Variants in NRG1 observed in about 807,000 individuals in gnomAD.
NRG1 encodes the protein neuregulin 1.
A neutral mutation model predicts 63.8 loss-of-function variants in NRG1; 18 were observed. That is an observed-to-expected ratio of 0.28 (90% CI 0.19 to 0.42). The LOEUF (loss-of-function observed/expected upper bound fraction) is 0.42. NRG1 is among the 10% of genes least tolerant of loss of function. The pLI, the probability that NRG1 is intolerant of heterozygous loss-of-function variation, is 1.00. For synonymous variants in NRG1, 302 were observed against 301.3 expected (o/e 1.00, Z -0.02); for missense variants, 762 against 814.7 (o/e 0.94, Z 0.79).
chr8:32,447,450 C>T (rs948465585), intron 1 of NRG1, among the ~76,000 whole-genome samples: 3 of 152,140 alleles, frequency 2.0e-5, no homozygotes, highest in African/African-American at 7.2e-5. Flanking sequence ...GAAACATTTA[C>T]ATCATATGTA....
chr8:31,792,446 T>G (rs552458259), intron 1 of NRG1, among the ~76,000 whole-genome samples: 8 of 152,220 alleles, frequency 5.3e-5, no homozygotes. Flanking sequence ...AAATCAGAAT[T>G]TGTCAGTTTT....
At chr8:32,714,831 C>A (rs2128990597) in intron 5 of NRG1, among the ~76,000 whole-genome samples, 1 of 152,302 alleles carries the variant, frequency 6.6e-6, no homozygotes, top group South Asian at 2.1e-4. Context: ...CAAGCGCGTG[C>A]ACGCACAGTA....
chr8:32,097,304 A>G (rs1442746894), intron 1 of NRG1, among the ~76,000 whole-genome samples: 2 of 152,238 alleles, frequency 1.3e-5, no homozygotes. Context: ...AACAATAAAC[A>G]TAGGTGTGAA....
rs566820126 is a variant in NRG1 at position 32,017,105 on chromosome 8, C to G, written c.37+377674C>G. ...TTACTATTTATGACTAGCTTCTGCT[C>G]TCTGCACTGAAGAGCGTAGCTATTT... On this transcript the variant is annotated intron_variant, in intron 1 of 10. Coordinates refer to the NRG1 transcript ENST00000519301. 7.2e-5 allele frequency among the ~76,000 whole-genome samples: 11 copies of G among 152,332 alleles called. No homozygotes were observed. In the South Asian group the frequency reaches 2.1e-3, roughly 29 times the overall value.
chr8:31,868,122 AACACACACACACACACATACATCTTAC>A (rs1829125801), intron 1 of NRG1, among the ~76,000 whole-genome samples: 1 of 133,226 alleles, frequency 7.5e-6, no homozygotes, highest in Admixed American at 7.8e-5. Flanking sequence ...TACCATCCCA[AACACACACACACACACATACATCTTAC>A]ACACACACAC....
chr8:32,523,488 T>A (rs1399589734), intron 1 of NRG1, among the ~76,000 whole-genome samples: 1 of 152,220 alleles, frequency 6.6e-6, no homozygotes, highest in South Asian at 2.1e-4. Context: ...ACTTCTTTAG[T>A]GGTAATTTCT....
chr8:32,361,675 T>C (rs1563360502), intron 1 of NRG1, among the ~76,000 whole-genome samples: 1 of 152,278 alleles, frequency 6.6e-6, no homozygotes, highest in East Asian at 1.9e-4. Context: ...TTTCCTTAAA[T>C]AGCCTTGGAA....
At position 31,640,661 on chromosome 8, in the gene NRG1, C is replaced by T; in HGVS notation, c.37+1230C>T. On this transcript the variant is annotated intron_variant, in intron 1 of 10. Transcript: ENST00000519301. The surrounding 1 kb of genome is among the most constrained non-coding windows in gnomAD (Gnocchi z 6.3). ...CGCGCGCCGGCCGCCTTCCGAGCCT[C>T]TTTCCCCCCTCTGGAGACGGGCCGG... 1 of 1,608,720 alleles carries T rather than the reference C, an allele frequency of 6.2e-7. No individual in the cohort carries two copies. The highest frequency in any genetic ancestry group is 8.5e-7 in the Non-Finnish European group (1 of 1,178,322).
At position 32,652,281 on chromosome 8, in the gene NRG1, T is replaced by A. The variant is rs139068788; in HGVS notation, c.502+35396T>A. 1.1e-4 allele frequency among the ~76,000 whole-genome samples: 17 copies of A among 152,326 alleles called. 1 individual carries two copies. The East Asian group carries it at 3.3e-3, about 29-fold the overall frequency. ...TTCTCGCCTTCCTGTTTTGCTCTTA[T>A]TAAATTTTCAGTCGTGGTGGTCTTT... On this transcript the variant is annotated intron_variant, in intron 5 of 11. Transcript: ENST00000356819.
chr8:32,600,352 A>G (rs1211401758), intron 2 of NRG1, among the ~76,000 whole-genome samples: 2 of 152,006 alleles, frequency 1.3e-5, no homozygotes, highest in South Asian at 2.1e-4. Context: ...ACACACACAC[A>G]CAAACACTGT....
At chr8:31,887,429 C>G (rs1228492745) in intron 1 of NRG1, among the ~76,000 whole-genome samples, 28 of 152,154 alleles carry the variant, frequency 1.8e-4, no homozygotes. Context: ...AGCTCTCTGA[C>G]ACAGATTTAG....
At chr8:31,752,941 T>G (rs1046328719) in intron 1 of NRG1, among the ~76,000 whole-genome samples, 3 of 152,106 alleles carry the variant, frequency 2.0e-5, no homozygotes, top group African/African-American at 7.2e-5. Flanking sequence ...TATTCTGATT[T>G]GTTGGGCCAC....
At chr8:31,819,053 C>CAAAAA (rs1479839175) in intron 1 of NRG1, among the ~76,000 whole-genome samples, 1 of 143,554 alleles carries the variant, frequency 7.0e-6, no homozygotes, top group Non-Finnish European at 1.6e-5. Flanking sequence ...GACTTCTTCT[C>CAAAAA]AAAAACAAAA....
chr8:32,063,678 A>G (rs1221457999), intron 1 of NRG1, among the ~76,000 whole-genome samples: 1 of 152,150 alleles, frequency 6.6e-6, no homozygotes, highest in Non-Finnish European at 1.5e-5. Flanking sequence ...TTGTTAGGTC[A>G]TGTATTAATT....
At chr8:32,441,201 T>C (rs1819491676) in intron 1 of NRG1, 1 of 152,150 alleles carries the variant, frequency 6.6e-6, no homozygotes, top group Admixed American at 6.5e-5. Context: ...CTTTCCCTGA[T>C]AGTTTTTGTT....
intron 1 of NRG1, among the ~76,000 whole-genome samples, chr8:32,238,216 A>G (rs1847762974): frequency 6.6e-6 from 1 of 152,036 alleles, no homozygotes; most frequent in East Asian, 1.9e-4. Flanking sequence ...TAATCCCAGC[A>G]ATTTGGGAAG....
At chr8:32,187,598 C>A (rs1842086222) in intron 1 of NRG1, among the ~76,000 whole-genome samples, 1 of 152,144 alleles carries the variant, frequency 6.6e-6, no homozygotes, top group Non-Finnish European at 1.5e-5. Context: ...GTGAAGCATT[C>A]ATCTTGTTTC....
chr8:31,776,393 C>T (rs551653169), intron 1 of NRG1, among the ~76,000 whole-genome samples: 6 of 152,206 alleles, frequency 3.9e-5, no homozygotes, highest in African/African-American at 1.2e-4. Context: ...GATGCCCAAG[C>T]CTCTGTGCTG....
intron 1 of NRG1, among the ~76,000 whole-genome samples, chr8:31,888,232 T>A (rs1206997015): frequency 1.3e-5 from 2 of 152,076 alleles, no homozygotes; most frequent in African/African-American, 4.8e-5. Context: ...CTGAAGTAGC[T>A]TTCAGATACT....
Sources: allele counts gnomAD v4.1 joint callset (sites outside exome capture counted in the v4.1 genomes callset), GRCh38; gene constraint gnomAD v4.1.1; non-coding constraint Gnocchi (gnomAD v3.1); transcripts MANE v1.5; gene names NCBI Gene and HGNC (gene_info 2026-07-23, HGNC 2026-07-21).